Variants in MRPL18 observed in about 807,000 individuals in gnomAD.
MRPL18 encodes the protein large ribosomal subunit protein uL18m.
Under a neutral mutation model 20.9 loss-of-function variants are expected in MRPL18, and 16 were observed. The ratio of observed to expected loss-of-function variants is 0.76; its 90% CI spans 0.52 to 1.16. The LOEUF is 1.16. Ranked by LOEUF, MRPL18 falls within the 50% of genes most tolerant of loss-of-function variation. The probability of loss-of-function intolerance (pLI) is 0.00; values close to 1 mark genes in which losing one functional copy is unlikely to be tolerated. For synonymous variants in MRPL18, 91 were observed against 87.1 expected (o/e 1.04, Z -0.25); for missense variants, 233 against 230.6 (o/e 1.01, Z -0.07).
chr6:159,792,421 G>T (rs1017859865), intron 2 of MRPL18, among the ~76,000 whole-genome samples: 1 of 152,124 alleles, frequency 6.6e-6, no homozygotes, highest in Admixed American at 6.5e-5. Context: ...TTGCGTTAGA[G>T]GCAGGAGTTA....
intron 2 of MRPL18, among the ~76,000 whole-genome samples, chr6:159,793,177 T>C (rs946445815): frequency 4.6e-5 from 7 of 152,176 alleles, no homozygotes; most frequent in African/African-American, 1.7e-4. Flanking sequence ...TAACTAAAGA[T>C]GTATTTCCTC....
Position 159,798,189 on chromosome 6 carries a change from G to T in MRPL18, c.*66G>T. The T allele has an allele frequency of 1.5e-6, 2 of 1,341,792 alleles. No individual in the cohort carries two copies. Among genetic ancestry groups the T allele is most frequent in the Non-Finnish European group, 2.1e-6 (2 of 952,362 alleles). The allele number at this position is 1,341,792 out of a possible 1,614,324, so 83.1% of individuals were successfully genotyped here. A position where few individuals can be genotyped will look rare whatever the true frequency, so the allele number is the denominator to read the frequency against. On this transcript the variant is annotated 3_prime_UTR_variant, in exon 4 of 4. Transcript: ENST00000367034. ...GTCAGCCACTACAGCCATCAAAAGAGAGCATCTGGAAGAACAGCCAGCTTG... is the reference window on the plus strand; with the variant it reads ...GTCAGCCACTACAGCCATCAAAAGATAGCATCTGGAAGAACAGCCAGCTTG...
At chr6:159,792,961 G>A (rs1429085974) in intron 2 of MRPL18, among the ~76,000 whole-genome samples, 3 of 151,242 alleles carry the variant, frequency 2.0e-5, no homozygotes, top group Non-Finnish European at 4.4e-5. Context: ...ACACTACCAT[G>A]GCCGGCTAAT....
At chr6:159,792,022 A>G (rs370363924) in intron 2 of MRPL18, among the ~76,000 whole-genome samples, 1 of 152,228 alleles carries the variant, frequency 6.6e-6, no homozygotes, top group Admixed American at 6.5e-5. Context: ...ATGAACACTT[A>G]CATTTGCCAG....
intron 2 of MRPL18, among the ~76,000 whole-genome samples, chr6:159,793,552 A>C (rs1483658373): frequency 1.3e-5 from 2 of 152,206 alleles, no homozygotes; most frequent in Non-Finnish European, 2.9e-5. Flanking sequence ...TTGGACCTAG[A>C]AAGCCTAAAA....
At chr6:159,791,319 C>T (rs1434778084) in intron 2 of MRPL18, among the ~76,000 whole-genome samples, 193 bp downstream of exon 2, 1 of 152,106 alleles carries the variant, frequency 6.6e-6, no homozygotes, top group East Asian at 1.9e-4. Context: ...GGACAGGATA[C>T]CTGCCTGTCT....
intron 2 of MRPL18, among the ~76,000 whole-genome samples, chr6:159,795,603 A>G (rs1377729967): frequency 6.6e-6 from 1 of 152,230 alleles, no homozygotes; most frequent in East Asian, 1.9e-4. Context: ...TCAAGGCAGA[A>G]GAATTTTTCT....
chr6:159,793,790 T>C (rs1225866871), intron 2 of MRPL18, among the ~76,000 whole-genome samples: 5 of 152,020 alleles, frequency 3.3e-5, no homozygotes, highest in African/African-American at 1.2e-4. Context: ...CAGGCACCTG[T>C]AGTCCCAGCT....
chr6:159,797,404 C>G lies in MRPL18; in HGVS notation c.357C>G (p.Thr119=). 1 of 1,614,078 alleles carries G rather than the reference C, an allele frequency of 6.2e-7. No homozygotes were observed. Among genetic ancestry groups the G allele is most frequent in the Non-Finnish European group, 8.5e-7 (1 of 1,180,026 alleles). The change falls in exon 3 of 4, where the codon ACC becomes ACG. Residue 119 remains threonine, a synonymous_variant. Transcript: ENST00000367034. ...CTATTAAAAAGCACCTTTATAGTAC[C>G]AGAAATGTGGTGGCTTGTGAGAGTA... The part of the protein sequence containing the change: ...EWAIKKHLYS[T]RNVVACESIG...
At position 159,798,336 on chromosome 6, in the gene MRPL18, C is replaced by CT. The variant is rs1781094652; in HGVS notation, c.*214dup. ...CCCCTCTCTTGGGCTTCAGAAGCAT[C>CT]TAAGAAAAGCAGTCATCAATTATAA... On this transcript the variant is annotated 3_prime_UTR_variant, in exon 4 of 4. Coordinates refer to ENST00000367034, the MANE Select transcript of MRPL18 (RefSeq NM_014161.5). 3 of 442,494 alleles carry CT rather than the reference C, an allele frequency of 6.8e-6. No individual in the cohort carries two copies. Among genetic ancestry groups the CT allele is most frequent in the South Asian group, 8.9e-5 (2 of 22,444 alleles). The allele number at this position is 442,494 out of a possible 1,614,324, so 27.4% of individuals were successfully genotyped here. A position where few individuals can be genotyped will look rare whatever the true frequency, so the allele number is the denominator to read the frequency against.
chr6:159,794,915 G>A (rs369165488), intron 2 of MRPL18, among the ~76,000 whole-genome samples: 84 of 152,322 alleles, frequency 5.5e-4, no homozygotes, highest in African/African-American at 1.9e-3. Flanking sequence ...TTGATCATTC[G>A]TGGGTGTTTC....
chr6:159,794,373 C>T (rs146148950), intron 2 of MRPL18, among the ~76,000 whole-genome samples: 27 of 152,146 alleles, frequency 1.8e-4, no homozygotes, highest in African/African-American at 6.3e-4. Flanking sequence ...CTTAACCTTT[C>T]TGTGTTAGTT....
In MRPL18 at chr6:159,797,287, G is replaced by A; in HGVS notation, c.240G>A (p.Arg80=). 6.2e-7 allele frequency: 1 copy of A among 1,613,640 alleles called. No homozygotes were observed. The highest frequency in any genetic ancestry group is 1.1e-5 in the South Asian group (1 of 91,066). The change falls in exon 3 of 4, where the codon AGG becomes AGA. Residue 80 remains arginine (R), a splice_region_variant and synonymous_variant. Transcript: ENST00000367034. The part of the protein sequence containing the change: ...TVFPSREFWH[R]LRVIRTQHHV... ...TTTATTATCTTCTCACCCCATTTAG[G>A]TTGCGAGTTATAAGGACTCAGCATC...
chr6:159,798,387 G>C lies in MRPL18; in HGVS notation c.*264G>C. On this transcript the variant is annotated 3_prime_UTR_variant, in exon 4 of 4. Transcript: ENST00000367034. ...TTAACTTTCAAAGGGCAAGTCAGAAGTTGTTTATAAATTACAAAATAAAGG... is the reference window on the plus strand; with the variant it reads ...TTAACTTTCAAAGGGCAAGTCAGAACTTGTTTATAAATTACAAAATAAAGG... The C allele has an allele frequency of 2.7e-6, 1 of 376,170 alleles. No individual in the cohort carries two copies. The highest frequency in any genetic ancestry group is 4.8e-6 in the Non-Finnish European group (1 of 209,250). The allele number at this position is 376,170 out of a possible 1,614,324, so 23.3% of individuals were successfully genotyped here.
rs1411147933 is a variant in MRPL18 at position 159,790,502 on chromosome 6, C to G, written c.-86C>G. 3 of 1,584,788 alleles carry G rather than the reference C, an allele frequency of 1.9e-6. No individual in the cohort carries two copies. The highest frequency in any genetic ancestry group is 8.7e-7 in the Non-Finnish European group (1 of 1,155,254). ...GGATCTACAGCAGCCAAAGGCTTGT[C>G]CCTGACTTTATATGGCTGCTCCTGG... On this transcript the variant is annotated 5_prime_UTR_variant, in exon 1 of 4. Coordinates refer to ENST00000367034, the MANE Select transcript of MRPL18 (RefSeq NM_014161.5).
chr6:159,797,643 A>G (rs1781066381), intron 3 of MRPL18, 125 bp downstream of exon 3: 6 of 810,970 alleles, frequency 7.4e-6, no homozygotes, highest in Non-Finnish European at 1.2e-5. Context: ...TTTGGTGAGT[A>G]CTCAACAGTG....
chr6:159,797,364 C>G lies in MRPL18; in HGVS notation c.317C>G (p.Ser106Cys). Reference protein sequence around the residue: ...HQNGKVVVSASTREWAIKKHL... With the variant: ...HQNGKVVVSACTREWAIKKHL... ...AATGGCAAGGTTGTGGTTTCGGCCT[C>G]CACTCGTGAGTGGGCTATTAAAAAG... is the stretch of plus-strand genomic sequence containing the variant. Residue 106 changes from serine to cysteine, a missense_variant, in exon 3 of 4, where the codon TCC (serine) becomes TGC (cysteine). Transcript: ENST00000367034. The G allele has an allele frequency of 1.2e-6, 2 of 1,614,160 alleles. No homozygotes were observed. Among genetic ancestry groups the G allele is most frequent in the Non-Finnish European group, 1.7e-6 (2 of 1,180,038 alleles).
upstream of MRPL18, chr6:159,790,200 C>T (rs1223873143): frequency 6.8e-6 from 2 of 292,636 alleles, no homozygotes; most frequent in African/African-American, 2.1e-5. Context: ...CTACGCGGTG[C>T]CCAGGTGGGG....
At chr6:159,796,968 A>G (rs1781044438) in intron 2 of MRPL18, among the ~76,000 whole-genome samples, 1 of 152,152 alleles carries the variant, frequency 6.6e-6, no homozygotes, top group African/African-American at 2.4e-5. Flanking sequence ...GAGTAAGTAT[A>G]TCCATGTCAT....
Sources: allele counts gnomAD v4.1 joint callset (sites outside exome capture counted in the v4.1 genomes callset), GRCh38; gene constraint gnomAD v4.1.1; transcripts MANE v1.5; gene names NCBI Gene and HGNC (gene_info 2026-07-23, HGNC 2026-07-21).